The following ADAM32 variants were observed in gnomAD, a reference collection of about 807,000 sequenced individuals.
ADAM32 encodes ADAM metallopeptidase domain 32.
Under a neutral mutation model 114.9 loss-of-function variants are expected in ADAM32, and 89 were observed. The ratio of observed to expected loss-of-function variants is 0.77; its 90% CI spans 0.65 to 0.92. ADAM32 has a LOEUF of 0.92. Among genes scored for constraint, ADAM32 ranks in the 40% least tolerant of loss-of-function variants. The pLI is 0.00. For missense variants in ADAM32, 870 were observed against 932.8 expected, an observed-to-expected ratio of 0.93 and a Z score of 0.88; for synonymous variants, 285 against 307.5, an observed-to-expected ratio of 0.93 and a Z score of 0.77.
intron 2 of ADAM32, among the ~76,000 whole-genome samples, chr8:39,118,593 T>C (rs1189988042): frequency 6.6e-6 from 1 of 152,198 alleles, no homozygotes. Context: ...GGAAATACTT[T>C]ATTTTGTTCA....
At chr8:39,152,697 G>A (rs1307721161) in intron 6 of ADAM32, among the ~76,000 whole-genome samples, 2 of 149,484 alleles carry the variant, frequency 1.3e-5, no homozygotes, top group African/African-American at 5.0e-5. Context: ...CTCCAGCCTG[G>A]GTGACAGGGC....
At chr8:39,254,768 A>C (rs984566084) in intron 18 of ADAM32, among the ~76,000 whole-genome samples, 1 of 151,608 alleles carries the variant, frequency 6.6e-6, no homozygotes, top group Non-Finnish European at 1.5e-5. Flanking sequence ...GGTAACATGG[A>C]TAAGTTCTTT....
intron 3 of ADAM32, among the ~76,000 whole-genome samples, chr8:39,137,961 A>G (rs1341450094): frequency 1.3e-5 from 2 of 152,202 alleles, no homozygotes; most frequent in Non-Finnish European, 2.9e-5. Context: ...CATCTTACTA[A>G]GACTATAAGC....
intron 11 of ADAM32, among the ~76,000 whole-genome samples, chr8:39,198,240 T>A (rs1240474580): frequency 6.6e-6 from 1 of 152,204 alleles, no homozygotes; most frequent in African/African-American, 2.4e-5. Context: ...GCATATATAT[T>A]TTTAAATCCT....
chr8:39,111,714 C>A (rs146477036), intron 1 of ADAM32, among the ~76,000 whole-genome samples: 3,149 of 93,626 alleles, frequency 0.034, 132 homozygotes, highest in African/African-American at 0.12. Flanking sequence ...GAGCAAGACT[C>A]TTTCTCAAAA....
chr8:39,173,058 G>C (rs925591794), intron 10 of ADAM32, among the ~76,000 whole-genome samples: 1 of 152,194 alleles, frequency 6.6e-6, no homozygotes, highest in African/African-American at 2.4e-5. Context: ...AGGAGTTTGA[G>C]ACCAGCCTGA....
chr8:39,215,625 G>T (rs989748492), intron 12 of ADAM32, among the ~76,000 whole-genome samples: 1 of 151,860 alleles, frequency 6.6e-6, no homozygotes, highest in African/African-American at 2.4e-5. Context: ...AAATTTCCTT[G>T]TTAATCTCCT....
Position 39,275,068 on chromosome 8 carries a change from T to A in ADAM32, c.2240+718T>A, listed in dbSNP as rs76782050. On this transcript the variant is annotated intron_variant, in intron 21 of 24. Coordinates refer to ENST00000379907, the MANE Select transcript of ADAM32 (RefSeq NM_145004.7). ...TTCCCGTGCCTCCTGGTGTTCATTTTTCATCTCTACTTCTGAAGCAATTTC... is the reference window on the plus strand; with the variant it reads ...TTCCCGTGCCTCCTGGTGTTCATTTATCATCTCTACTTCTGAAGCAATTTC... Among the ~76,000 whole-genome samples the A allele has an allele frequency of 5.1e-3, 775 of 152,334 alleles. 8 individuals carry two copies. The highest frequency in any genetic ancestry group is 0.017 in the African/African-American group (707 of 41,566).
At chr8:39,257,141 A>T (rs531425941) in intron 18 of ADAM32, 46 bp from the exon 19 acceptor site, 1 of 1,473,576 alleles carries the variant, frequency 6.8e-7, no homozygotes, top group African/African-American at 1.4e-5. Flanking sequence ...GTAAAAGTAG[A>T]TAGTTTAATT....
At chr8:39,194,217 G>A (rs28797906) in intron 11 of ADAM32, among the ~76,000 whole-genome samples, 37,576 of 151,918 alleles carry the variant, frequency 0.25, 4,980 homozygotes, top group Non-Finnish European at 0.29. Flanking sequence ...GTGCACACTC[G>A]CGTGGTTAGC....
chr8:39,257,340 G>A lies in ADAM32; in HGVS notation c.2159G>A (p.Ser720Asn), dbSNP rs757713976. The A allele has an allele frequency of 1.9e-6, 3 of 1,612,812 alleles. No homozygotes were observed. Among genetic ancestry groups the A allele is most frequent in the South Asian group, 2.2e-5 (2 of 90,990 alleles). ...WFAKEEEFPS[S>N]ESKSEGSTQT... ...GCCAAGGAAGAGGAATTCCCAAGTAGCGAGTAAATTGCATTTGTGTTCTGA... is the reference window on the plus strand; with the variant it reads ...GCCAAGGAAGAGGAATTCCCAAGTAACGAGTAAATTGCATTTGTGTTCTGA... Residue 720 changes from serine (S) to asparagine (N), a missense_variant, in exon 19 of 25, where the codon AGC becomes AAC. Physicochemically the swap from Ser to Asn is conservative, Grantham distance 46. Coordinates refer to ENST00000379907, the MANE Select transcript of ADAM32 (RefSeq NM_145004.7).
At chr8:39,166,538 C>A (rs1442559276) in intron 9 of ADAM32, 7 of 152,156 alleles carry the variant, frequency 4.6e-5, no homozygotes, top group Admixed American at 4.6e-4. Context: ...ACTTCTTTTC[C>A]TCTGGGTAGA....
At position 39,131,133 on chromosome 8, in the gene ADAM32, T is replaced by G. The variant is rs938768843; in HGVS notation, c.139-5524T>G. Among the ~76,000 whole-genome samples, 158 of 152,092 alleles carry G rather than the reference T, an allele frequency of 1.0e-3. 1 individual carries two copies. Among genetic ancestry groups the G allele is most frequent in the Non-Finnish European group, 1.6e-3 (109 of 67,962 alleles). Reference sequence around the variant, plus strand: ...CACCACGCCCAGCTAATTTTTTGTATTTTTAGTAGAGAGGGGATTTCACCG... The same window carrying G: ...CACCACGCCCAGCTAATTTTTTGTAGTTTTAGTAGAGAGGGGATTTCACCG... On this transcript the variant is annotated intron_variant, in intron 2 of 24. Transcript: ENST00000379907.
chr8:39,272,024 T>A (rs1812761628), intron 20 of ADAM32, among the ~76,000 whole-genome samples: 2 of 148,612 alleles, frequency 1.3e-5, no homozygotes, highest in Non-Finnish European at 3.0e-5. Context: ...CTCAGCTACT[T>A]GGGAGGCTGA....
At chr8:39,145,969 C>T (rs1232388403) in intron 3 of ADAM32, among the ~76,000 whole-genome samples, 2 of 152,068 alleles carry the variant, frequency 1.3e-5, no homozygotes, top group Admixed American at 6.5e-5. Context: ...GAGCCCAAAG[C>T]AATCCCTCCA....
At chr8:39,137,663 C>T (rs141263715) in intron 3 of ADAM32, among the ~76,000 whole-genome samples, 41 of 151,004 alleles carry the variant, frequency 2.7e-4, no homozygotes, top group African/African-American at 8.3e-4. Flanking sequence ...CCCAGCTACT[C>T]GGGAGGCTGA....
intron 10 of ADAM32, among the ~76,000 whole-genome samples, chr8:39,175,579 C>T (rs559826239): frequency 6.6e-6 from 1 of 152,178 alleles, no homozygotes; most frequent in South Asian, 2.1e-4. Context: ...TTCAGTTTGC[C>T]AGTATTTTAT....
chr8:39,171,593 A>G (rs1157302423), intron 10 of ADAM32, among the ~76,000 whole-genome samples: 2 of 152,136 alleles, frequency 1.3e-5, no homozygotes, highest in African/African-American at 4.8e-5. Context: ...AGATATACAA[A>G]GCAAAAAATG....
intron 10 of ADAM32, among the ~76,000 whole-genome samples, chr8:39,176,497 T>C (rs1805540404): frequency 6.6e-6 from 1 of 152,238 alleles, no homozygotes; most frequent in Admixed American, 6.5e-5. Context: ...TGTGCAGTTT[T>C]AAGTGAGTTT....
Sources: gnomAD v4.1 joint callset for allele counts (sites outside exome capture counted in the v4.1 genomes callset) on GRCh38, gnomAD v4.1.1 for gene constraint, MANE v1.5 for transcripts, NCBI Gene and HGNC (gene_info 2026-07-23, HGNC 2026-07-21) for gene names.